Variants in PRKCE observed in about 807,000 individuals in gnomAD.
PRKCE encodes the protein protein kinase C epsilon.
In PRKCE, 16 loss-of-function variants were observed where a neutral mutation model predicts 85.4. The ratio of observed to expected loss-of-function variants is 0.19; its 90% confidence interval spans 0.13 to 0.28. The LOEUF (loss-of-function observed/expected upper bound fraction) is 0.28. Among genes scored for constraint, PRKCE ranks in the 10% least tolerant of loss-of-function variants. The pLI, the probability that PRKCE is intolerant of heterozygous loss-of-function variation, is 1.00. For missense variants in PRKCE, 573 were observed against 975.2 expected (o/e 0.59, Z 5.49); for synonymous variants, 388 against 371.5 (o/e 1.04, Z -0.51).
rs147001686 is a variant in PRKCE, at chr2:45,673,114, A to G, written c.348+20666A>G. 5.5e-4 allele frequency among the ~76,000 whole-genome samples: 83 copies of G among 152,222 alleles called. 1 individual carries two copies. The highest frequency in any genetic ancestry group is 1.9e-3 in the African/African-American group (80 of 41,540). ...ACTCCTCCACTCCTTTTTTTGGGTT[A>G]CATTGTTTTTGTTCCCCCTACTTTC... On this transcript the variant is annotated intron_variant, in intron 1 of 14. Transcript: ENST00000306156.
At chr2:46,038,845 T>G (rs923950324) in intron 10 of PRKCE, among the ~76,000 whole-genome samples, 1 of 152,208 alleles carries the variant, frequency 6.6e-6, no homozygotes, top group Non-Finnish European at 1.5e-5. Context: ...ATGTTTTTCT[T>G]AATGTTGATT....
At chr2:45,800,684 A>T (rs1305448699) in intron 1 of PRKCE, among the ~76,000 whole-genome samples, 6 of 152,214 alleles carry the variant, frequency 3.9e-5, no homozygotes, top group Admixed American at 1.3e-4. Flanking sequence ...AAGGAGTTTC[A>T]ACCTATGGGG....
intron 5 of PRKCE, among the ~76,000 whole-genome samples, chr2:45,983,396 T>C (rs1228063480): frequency 9.9e-5 from 15 of 152,092 alleles, no homozygotes; most frequent in Admixed American, 9.2e-4. Flanking sequence ...CCCCAGCCCA[T>C]GGATGTCCTG....
intron 1 of PRKCE, among the ~76,000 whole-genome samples, chr2:45,794,223 G>A (rs140312523): frequency 3.2e-4 from 48 of 152,108 alleles, no homozygotes; most frequent in Non-Finnish European, 2.9e-4. Flanking sequence ...CTCGGATATC[G>A]ACGTTTTAAA....
At chr2:45,816,331 C>A (rs940978561) in intron 1 of PRKCE, among the ~76,000 whole-genome samples, 7 of 152,048 alleles carry the variant, frequency 4.6e-5, no homozygotes, top group Admixed American at 4.6e-4. Flanking sequence ...TTCACTACCC[C>A]CTGGAGTGTC....
chr2:45,853,703 A>G (rs1269338087), intron 2 of PRKCE, among the ~76,000 whole-genome samples: 1 of 152,230 alleles, frequency 6.6e-6, no homozygotes, highest in African/African-American at 2.4e-5. Context: ...TGTCACTTCT[A>G]AAGGAAACTA....
intron 11 of PRKCE, among the ~76,000 whole-genome samples, chr2:46,118,995 C>T (rs1276510169): frequency 4.6e-5 from 7 of 152,114 alleles, no homozygotes; most frequent in East Asian, 1.9e-4. Context: ...GGGAAGTGCA[C>T]GAACTCGGCT....
chr2:45,995,187 A>G (rs372857125), intron 6 of PRKCE, among the ~76,000 whole-genome samples: 30 of 152,094 alleles, frequency 2.0e-4, no homozygotes, highest in African/African-American at 6.8e-4. Context: ...ATATAGGCAT[A>G]TATTATCATA....
At chr2:45,819,019 C>T (rs560004218) in intron 1 of PRKCE, among the ~76,000 whole-genome samples, 2 of 152,094 alleles carry the variant, frequency 1.3e-5, no homozygotes, top group African/African-American at 2.4e-5. Context: ...CGTGGAGCCT[C>T]CTGAGACAGG....
chr2:45,920,528 TA>T lies in PRKCE; in HGVS notation c.413-55898del, dbSNP rs1698174437. Among the ~76,000 whole-genome samples, 4 of 152,168 alleles carry T rather than the reference TA, an allele frequency of 2.6e-5. No homozygotes were observed. The South Asian group carries it at 8.3e-4, about 32-fold the overall frequency. The stretch of plus-strand genomic sequence containing the variant: ...CAAATGCCGTCAACTGCTGAATGGA[TA>T]AATAAAATGTGAAATATCCATGGTT... On this transcript the variant is annotated intron_variant, in intron 2 of 14. Transcript: ENST00000306156.
chr2:45,810,736 A>G (rs149604165), intron 1 of PRKCE, among the ~76,000 whole-genome samples: 1 of 152,156 alleles, frequency 6.6e-6, no homozygotes, highest in Non-Finnish European at 1.5e-5. Flanking sequence ...GGCATGCACC[A>G]TCATGCTTAG....
chr2:45,862,839 C>A (rs758962509), intron 2 of PRKCE, among the ~76,000 whole-genome samples: 2 of 152,206 alleles, frequency 1.3e-5, no homozygotes, highest in Admixed American at 6.5e-5. Flanking sequence ...TAATCACCTG[C>A]GCAGGGTGCC....
chr2:45,808,494 C>CA (rs893524118), intron 1 of PRKCE, among the ~76,000 whole-genome samples: 33 of 152,308 alleles, frequency 2.2e-4, no homozygotes, highest in Non-Finnish European at 3.7e-4. Context: ...GCTGATTAAA[C>CA]AATTATCACT....
chr2:45,753,351 A>G (rs145338447), intron 1 of PRKCE, among the ~76,000 whole-genome samples: 71 of 152,336 alleles, frequency 4.7e-4, no homozygotes, highest in African/African-American at 1.5e-3. Context: ...TTCGACAACC[A>G]CTGTGCCAGA....
intron 1 of PRKCE, among the ~76,000 whole-genome samples, chr2:45,836,353 C>T (rs1690875926): frequency 6.6e-6 from 1 of 152,226 alleles, no homozygotes; most frequent in East Asian, 1.9e-4. Context: ...TGTGTACTCT[C>T]TGCTTTTTGA....
chr2:46,157,796 C>T (rs1574627181), intron 13 of PRKCE, among the ~76,000 whole-genome samples: 1 of 152,356 alleles, frequency 6.6e-6, no homozygotes, highest in East Asian at 1.9e-4. Context: ...GAATCTACTA[C>T]ACCCTTGGCC....
intron 8 of PRKCE, among the ~76,000 whole-genome samples, chr2:46,005,213 A>G (rs904002226): frequency 6.6e-6 from 1 of 152,202 alleles, no homozygotes; most frequent in Non-Finnish European, 1.5e-5. Flanking sequence ...ACAGCTCCAG[A>G]TATCTCCTTC....
At chr2:46,112,904 A>C (rs1019027507) in intron 11 of PRKCE, among the ~76,000 whole-genome samples, 11 of 152,116 alleles carry the variant, frequency 7.2e-5, no homozygotes, top group African/African-American at 1.4e-4. Context: ...TAAAAAGAAA[A>C]ATCACCAGTT....
At chr2:45,761,841 T>A (rs781429392) in intron 1 of PRKCE, among the ~76,000 whole-genome samples, 1 of 152,190 alleles carries the variant, frequency 6.6e-6, no homozygotes, top group East Asian at 1.9e-4. Flanking sequence ...CCTTCCTGCT[T>A]GAGCCAGGGC....
Sources: allele counts gnomAD v4.1 joint callset (sites outside exome capture counted in the v4.1 genomes callset), GRCh38; gene constraint gnomAD v4.1.1; transcripts MANE v1.5; gene names NCBI Gene and HGNC (gene_info 2026-07-23, HGNC 2026-07-21).